The following FMN1 variants were observed in gnomAD, a reference collection of about 807,000 sequenced individuals.
FMN1 encodes the protein formin-1.
FMN1 carries 110 observed loss-of-function variants against 132.4 expected under a neutral mutation model. That is an observed-to-expected ratio of 0.83 (90% confidence interval 0.71 to 0.97). The LOEUF is 0.97. Among genes scored for constraint, FMN1 ranks in the 50% least tolerant of loss-of-function variants. The pLI is 0.00. For missense variants in FMN1, 1,792 were observed against 1,705.3 expected (o/e 1.05, Z -0.90); for synonymous variants, 722 against 651.7 (o/e 1.11, Z -1.64).
intron 15 of FMN1, among the ~76,000 whole-genome samples, chr15:32,895,268 CTTG>C (rs2060126191): frequency 6.6e-6 from 1 of 150,586 alleles, no homozygotes; most frequent in Admixed American, 6.6e-5. Context: ...ACCATTGAAC[CTTG>C]TTAAGATATG....
rs963231686 is a variant in FMN1, at chr15:33,153,765, T to C, written c.1150A>G (p.Arg384Gly). 9.1e-6 allele frequency: 14 copies of C among 1,536,262 alleles called. 1 individual carries two copies. The Middle Eastern group carries it at 5.0e-4, about 55-fold the overall frequency. Residue 384 changes from arginine (R) to glycine (G), a missense_variant, in exon 4 of 21, where the codon AGG (arginine) becomes GGG (glycine). Transcript: ENST00000616417. ...CCTTGCCGCTCCTTGCCCTGCCGCCTGGAGCCATGAGCCCCAGCCTCAGCT... is the reference window on the plus strand; with the variant it reads ...CCTTGCCGCTCCTTGCCCTGCCGCCCGGAGCCATGAGCCCCAGCCTCAGCT... The part of the protein sequence containing the change: ...PGAEAGAHGS[R>G]RQGKERQGDR...
chr15:32,951,431 A>G (rs1596332629), intron 9 of FMN1, among the ~76,000 whole-genome samples: 1 of 84,404 alleles, frequency 1.2e-5, no homozygotes, highest in African/African-American at 1.1e-4. Flanking sequence ...TGGGACACAC[A>G]CACACACACA....
intron 5 of FMN1, chr15:33,066,668 T>C (rs1595391630): frequency 6.2e-7 from 1 of 1,613,810 alleles, no homozygotes; most frequent in East Asian, 2.2e-5. Flanking sequence ...GAATAGGGCT[T>C]TAAAAGCCTC....
intron 19 of FMN1, among the ~76,000 whole-genome samples, chr15:32,785,329 T>C (rs2056840574): frequency 6.7e-6 from 1 of 148,874 alleles, no homozygotes; most frequent in East Asian, 2.0e-4. Flanking sequence ...AGTATTAGGA[T>C]TACAGGTGTA....
intron 6 of FMN1, among the ~76,000 whole-genome samples, chr15:33,014,442 C>G (rs565607066): frequency 6.6e-6 from 1 of 152,284 alleles, no homozygotes; most frequent in African/African-American, 2.4e-5. Flanking sequence ...AAAGGAGGAA[C>G]AGGAATTCTA....
In FMN1 at chr15:33,109,696, C is replaced by T. The variant is rs1199443798; in HGVS notation, c.1868-20722G>A. On this transcript the variant is annotated intron_variant, in intron 4 of 20. Transcript: ENST00000616417. Reference sequence around the variant, plus strand: ...TACTGGGGCATACTTAATGGGGGAGCATGAGAGGAGGGAGAGAAACAGAAA... The same window carrying T: ...TACTGGGGCATACTTAATGGGGGAGTATGAGAGGAGGGAGAGAAACAGAAA... Among the ~76,000 whole-genome samples, 5 of 151,910 alleles carry T rather than the reference C, an allele frequency of 3.3e-5. No homozygotes were observed. The South Asian group carries it at 1.0e-3, about 32-fold the overall frequency.
At chr15:32,851,012 C>T (rs768493884) in intron 17 of FMN1, among the ~76,000 whole-genome samples, 14 of 151,760 alleles carry the variant, frequency 9.2e-5, no homozygotes, top group Non-Finnish European at 1.6e-4. Flanking sequence ...GAGCCAAGAT[C>T]GCGCCACTGC....
intron 9 of FMN1, among the ~76,000 whole-genome samples, chr15:32,934,927 C>T (rs1158711988): frequency 2.8e-5 from 4 of 141,402 alleles, no homozygotes; most frequent in South Asian, 2.3e-4. Context: ...TTTTCTTTTT[C>T]TTTTTTTTTT....
intron 16 of FMN1, among the ~76,000 whole-genome samples, chr15:32,874,638 T>A (rs1331702991): frequency 6.6e-6 from 1 of 152,202 alleles, no homozygotes; most frequent in African/African-American, 2.4e-5. Context: ...TTCCTGTTCC[T>A]GAGCAGAAGA....
intron 6 of FMN1, chr15:33,012,104 C>T (rs1566823431): frequency 2.4e-6 from 1 of 414,526 alleles, no homozygotes; most frequent in African/African-American, 2.0e-5. Flanking sequence ...CATTGTCTCT[C>T]TTCCCACTGC....
At chr15:32,844,816 G>GC (rs780705535) in intron 17 of FMN1, among the ~76,000 whole-genome samples, 23 of 152,230 alleles carry the variant, frequency 1.5e-4, no homozygotes, top group African/African-American at 5.3e-4. Flanking sequence ...ACTGTCTGAA[G>GC]CATCTGATAA....
At chr15:32,883,509 CAAAAAAAAAAAA>C (rs60737133) in intron 16 of FMN1, among the ~76,000 whole-genome samples, 20 of 25,918 alleles carry the variant, frequency 7.7e-4, no homozygotes, top group South Asian at 2.8e-3. Context: ...GAACCTATCT[CAAAAAAAAAAAA>C]AAAAAAAAAA....
chr15:32,884,402 A>G (rs927431234), intron 16 of FMN1, among the ~76,000 whole-genome samples: 9 of 152,142 alleles, frequency 5.9e-5, no homozygotes, highest in African/African-American at 2.2e-4. Flanking sequence ...TTACGTCGTT[A>G]TATCTCCCTC....
chr15:32,777,374 T>C (rs1216793706), intron 19 of FMN1, among the ~76,000 whole-genome samples: 2 of 151,162 alleles, frequency 1.3e-5, no homozygotes, highest in Admixed American at 6.6e-5. Flanking sequence ...AAAGATAACC[T>C]ACGGAATGGG....
chr15:33,128,111 G>A (rs1246677626), intron 4 of FMN1, among the ~76,000 whole-genome samples: 7 of 152,010 alleles, frequency 4.6e-5, no homozygotes, highest in African/African-American at 7.2e-5. Context: ...GAAGAAGGGA[G>A]AGGAGACACC....
intron 7 of FMN1, among the ~76,000 whole-genome samples, chr15:32,982,799 G>C (rs1426971714): frequency 6.6e-6 from 1 of 151,966 alleles, no homozygotes; most frequent in Non-Finnish European, 1.5e-5. Flanking sequence ...CTTGGGTCTT[G>C]AGTCTGCCAG....
At chr15:32,896,141 T>C (rs1168871834) in intron 15 of FMN1, among the ~76,000 whole-genome samples, 1 of 152,148 alleles carries the variant, frequency 6.6e-6, no homozygotes, top group Non-Finnish European at 1.5e-5. Flanking sequence ...TTTTATCACA[T>C]ACTTGACACA....
chr15:32,785,604 A>T (rs1369888049), intron 19 of FMN1, among the ~76,000 whole-genome samples: 4 of 152,170 alleles, frequency 2.6e-5, no homozygotes, highest in Admixed American at 1.3e-4. Flanking sequence ...AGAAAATACA[A>T]TCTGGTAATA....
chr15:33,038,617 A>G (rs2036289093), intron 6 of FMN1, among the ~76,000 whole-genome samples: 1 of 152,228 alleles, frequency 6.6e-6, no homozygotes, highest in Non-Finnish European at 1.5e-5. Flanking sequence ...AACAACACGT[A>G]AGATTTAATA....
Sources: allele counts gnomAD v4.1 joint callset (sites outside exome capture counted in the v4.1 genomes callset), GRCh38; gene constraint gnomAD v4.1.1; transcripts MANE v1.5; gene names NCBI Gene and HGNC (gene_info 2026-07-23, HGNC 2026-07-21).